The following ACAP3 variants were observed in gnomAD, a reference collection of about 807,000 sequenced individuals.
ACAP3 encodes the protein arf-GAP with coiled-coil, ANK repeat and PH domain-containing protein 3.
In ACAP3, 56 loss-of-function variants were observed where a neutral mutation model predicts 104.1. The ratio of observed to expected loss-of-function variants is 0.54; its 90% CI spans 0.43 to 0.67. The LOEUF is 0.67. Among genes scored for constraint, ACAP3 ranks in the 30% least tolerant of loss-of-function variants. The probability of loss-of-function intolerance (pLI) is 0.00; values close to 1 mark genes in which losing one functional copy is unlikely to be tolerated. For synonymous variants in ACAP3, 628 were observed against 496.2 expected, an observed-to-expected ratio of 1.27 and a Z score of -3.53; for missense variants, 1,208 against 1,174.9, an observed-to-expected ratio of 1.03 and a Z score of -0.41.
Position 1,300,177 on chromosome 1 carries a change from T to A in ACAP3, c.548A>T (p.Lys183Met), listed in dbSNP as rs1391263932. The A allele has an allele frequency of 1.2e-6, 2 of 1,610,176 alleles. No individual in the cohort carries two copies. Among genetic ancestry groups the A allele is most frequent in the Non-Finnish European group, 1.7e-6 (2 of 1,178,620 alleles). The change falls in exon 7 of 24, where the codon AAG (lysine) becomes ATG (methionine). Residue 183 changes from lysine (K) to methionine (M), a missense_variant. Lys to Met is a moderately conservative substitution (Grantham distance 95). Coordinates refer to ENST00000354700, the MANE Select transcript of ACAP3 (RefSeq NM_030649.3). ...LQINVLQAKK[K>M]FEILDSMLSF... ...ACTCACAGAGTCCAGGATCTCAAAC[T>A]TCTTCTTGGCCTGCAGAACATTGAT...
chr1:1,299,944 G>T (rs550421982), intron 8 of ACAP3, 29 bp downstream of exon 8: 1 of 1,600,664 alleles, frequency 6.2e-7, no homozygotes, highest in Middle Eastern at 1.7e-4. Flanking sequence ...CGGAGGCCTG[G>T]CCCAGCCCCA....
intron 4 of ACAP3, among the ~76,000 whole-genome samples, chr1:1,302,713 G>A (rs1641496276): frequency 6.6e-6 from 1 of 151,566 alleles, no homozygotes; most frequent in Non-Finnish European, 1.5e-5. Context: ...CCTCCCCCAG[G>A]GTCTAGTGTG....
intron 10 of ACAP3, 139 bp downstream of exon 10, chr1:1,299,206 C>G: frequency 2.6e-6 from 3 of 1,166,324 alleles, no homozygotes; most frequent in Non-Finnish European, 3.7e-6. Context: ...CAGCCCCTCA[C>G]AGCCGCATCA....
rs1282603886 is a variant in ACAP3, at chr1:1,292,870, T to G, written c.*694A>C. On this transcript the variant is annotated 3_prime_UTR_variant, in exon 24 of 24. Transcript: ENST00000354700. The stretch of plus-strand genomic sequence containing the variant: ...GCTACAAAGAACATGAGATGAGGGC[T>G]GCAAAGTGGCAAAGTGGCTTTATGC... The G allele has an allele frequency of 6.6e-6, 1 of 152,288 alleles. No homozygotes were observed. Among genetic ancestry groups the G allele is most frequent in the Non-Finnish European group, 1.5e-5 (1 of 68,076 alleles). 9.4% of individuals were successfully genotyped at this position (152,288 alleles called of 1,614,324 possible).
intron 19 of ACAP3, 94 bp from the exon 20 acceptor site, chr1:1,294,910 G>C: frequency 7.7e-7 from 1 of 1,301,024 alleles, no homozygotes; most frequent in Non-Finnish European, 1.1e-6. Context: ...CACCCTCCAG[G>C]GGCCACCCCT....
intron 14 of ACAP3, among the ~76,000 whole-genome samples, chr1:1,297,620 C>T (rs536288291): frequency 3.6e-5 from 2 of 55,642 alleles, no homozygotes; most frequent in Non-Finnish European, 5.2e-5. Context: ...TGCACAGGCA[C>T]GGGGCAGGGG....
chr1:1,297,985 C>G (rs753282888), intron 13 of ACAP3, 28 bp downstream of exon 13: 2 of 1,610,990 alleles, frequency 1.2e-6, no homozygotes, highest in South Asian at 2.2e-5. Context: ...GTACGCCCCC[C>G]GCCCCACCCT....
Position 1,307,251 on chromosome 1 carries a change from C to T in ACAP3, c.47+518G>A, listed in dbSNP as rs369630572. 7,313 of 1,288,006 alleles carry T rather than the reference C, an allele frequency of 5.7e-3. 31 individuals carry two copies. Among genetic ancestry groups the T allele is most frequent in the Middle Eastern group, 6.8e-3 (32 of 4,686 alleles). The allele number at this position is 1,288,006 out of a possible 1,614,324, so 79.8% of individuals were successfully genotyped here. A position where few individuals can be genotyped will look rare whatever the true frequency, so the allele number is the denominator to read the frequency against. On this transcript the variant is annotated intron_variant, in intron 1 of 23. Coordinates refer to ENST00000354700, the MANE Select transcript of ACAP3 (RefSeq NM_030649.3). ...GTGTGCACACAACCCCTACCCCCTA[C>T]CTGACCTTCCCCGCCGCTCTTCTCG...
At chr1:1,305,131 A>G (rs570073167) in intron 1 of ACAP3, 148 of 152,550 alleles carry the variant, frequency 9.7e-4, no homozygotes, top group Non-Finnish European at 1.7e-3. Context: ...GCGTGTCCTC[A>G]ATTAGGAGCT....
chr1:1,300,473 C>A, intron 6 of ACAP3, 36 bp downstream of exon 6: 1 of 1,579,908 alleles, frequency 6.3e-7, no homozygotes, highest in Non-Finnish European at 8.6e-7. Context: ...TTCGCTACAG[C>A]TGGTCCCCGC....
chr1:1,307,418 A>G, intron 1 of ACAP3: 1 of 1,292,732 alleles, frequency 7.7e-7, no homozygotes, highest in Non-Finnish European at 1.0e-6. Context: ...CCAGGGGCCG[A>G]CGCCCCCACG....
chr1:1,295,758 G>A lies in ACAP3; in HGVS notation c.1683C>T (p.Pro561=), dbSNP rs911017616. The part of the protein sequence containing the change: ...RRKVRLEPVL[P]CVAALSSVGT... ...CACCTGAGGACAGAGCGGCCACACAGGGCAGAACGGGCTCAAGCCGGACCT... is the reference window on the plus strand; with the variant it reads ...CACCTGAGGACAGAGCGGCCACACAAGGCAGAACGGGCTCAAGCCGGACCT... Residue 561 remains proline, a synonymous_variant, in exon 18 of 24, where the codon CCC becomes CCT. Transcript: ENST00000354700. The A allele has an allele frequency of 1.9e-6, 3 of 1,606,456 alleles. No individual in the cohort carries two copies. The highest frequency in any genetic ancestry group is 2.2e-5 in the East Asian group (1 of 44,852).
chr1:1,300,755 T>C lies in ACAP3; in HGVS notation c.339-63A>G. 3.3e-6 allele frequency: 5 copies of C among 1,524,838 alleles called. No homozygotes were observed. The Admixed American group carries it at 1.1e-4, about 34-fold the overall frequency. The allele number at this position is 1,524,838 out of a possible 1,614,324, so 94.5% of individuals were successfully genotyped here. A position where few individuals can be genotyped will look rare whatever the true frequency, so the allele number is the denominator to read the frequency against. On this transcript the variant is annotated intron_variant, in intron 5 of 23. Coordinates refer to ENST00000354700, the MANE Select transcript of ACAP3 (RefSeq NM_030649.3). ...AGGGCACCTGCTGGATCCTGGAGTC[T>C]CCCACATCGTTGTTTGTGTGTTTTT...
intron 10 of ACAP3, 196 bp from the exon 11 acceptor site, chr1:1,298,875 C>T (rs1460958806): frequency 5.1e-6 from 3 of 591,964 alleles, no homozygotes; most frequent in Non-Finnish European, 3.0e-6. Context: ...CCCTGCAACC[C>T]GTGGGGCAGA....
chr1:1,296,274 C>A lies in ACAP3; in HGVS notation c.1344G>T (p.Leu448=). The A allele has an allele frequency of 5.8e-6, 9 of 1,557,592 alleles. No homozygotes were observed. The highest frequency in any genetic ancestry group is 1.2e-5 in the South Asian group (1 of 84,944). The part of the protein sequence containing the change: ...CIECSGIHRS[L]GVHCSKVRSL... ...ACCGCACCTTGGAGCAGTGGACACC[C>A]AGGCTCCTGGAGAGCAGAGGTAGGG... Residue 448 remains leucine (L), a synonymous_variant, in exon 16 of 24, where the codon CTG becomes CTT. Transcript: ENST00000354700.
chr1:1,307,489 A>G, intron 1 of ACAP3: 4 of 1,257,902 alleles, frequency 3.2e-6, no homozygotes, highest in Non-Finnish European at 4.1e-6. Context: ...AGCCCAGTGG[A>G]GGTGCAGACA....
intron 21 of ACAP3, 76 bp downstream of exon 21, chr1:1,294,326 C>A: frequency 6.6e-7 from 1 of 1,518,592 alleles, no homozygotes; most frequent in Non-Finnish European, 8.9e-7. Flanking sequence ...ACAGGCGACC[C>A]TTGTGTGGGC....
At position 1,293,518 on chromosome 1, in the gene ACAP3, G is replaced by A. The variant is rs909244644; in HGVS notation, c.*46C>T. 4.7e-5 allele frequency: 66 copies of A among 1,393,834 alleles called. No individual in the cohort carries two copies. The highest frequency in any genetic ancestry group is 7.6e-5 in the Admixed American group (2 of 26,478). 86.3% of individuals were successfully genotyped at this position (1,393,834 alleles called of 1,614,324 possible). A position where few individuals can be genotyped will look rare whatever the true frequency, so the allele number is the denominator to read the frequency against. On this transcript the variant is annotated 3_prime_UTR_variant, in exon 24 of 24. Coordinates refer to ENST00000354700, the MANE Select transcript of ACAP3 (RefSeq NM_030649.3). ...GGGCGCCAGGGACTTCGGGGCATGC[G>A]GGGCGTCGGGCCGGGCGGGGTGGCA...
At position 1,296,368 on chromosome 1, in the gene ACAP3, C is replaced by T. The variant is rs1641152517; in HGVS notation, c.1337+57G>A. 3 of 1,534,046 alleles carry T rather than the reference C, an allele frequency of 2.0e-6. No individual in the cohort carries two copies. The East Asian group carries it at 7.3e-5, about 38-fold the overall frequency. ...CACCCCCGGCCTGGCCCTCAGGGGC[C>T]CACCTGTGGATGCTCCAGCCCAACC... On this transcript the variant is annotated intron_variant, in intron 15 of 23. Coordinates refer to ENST00000354700, the MANE Select transcript of ACAP3 (RefSeq NM_030649.3).
Sources: gnomAD v4.1 joint callset for allele counts (sites outside exome capture counted in the v4.1 genomes callset) on GRCh38, gnomAD v4.1.1 for gene constraint, MANE v1.5 for transcripts, NCBI Gene and HGNC (gene_info 2026-07-23, HGNC 2026-07-21) for gene names.